Variants in EIF4G3 observed in about 807,000 individuals in gnomAD.
The protein encoded by EIF4G3 is eIF-4-gamma 3.
A neutral mutation model predicts 186.4 loss-of-function variants in EIF4G3; 34 were observed. That is an observed-to-expected ratio of 0.18 (90% CI 0.14 to 0.24). The LOEUF (loss-of-function observed/expected upper bound fraction) is 0.24, where lower values mean the gene tolerates loss of function less well. Ranked by LOEUF, EIF4G3 falls within the 10% of genes least tolerant of loss-of-function variation. The pLI, the probability that EIF4G3 is intolerant of heterozygous loss-of-function variation, is 1.00. For synonymous variants in EIF4G3, 673 were observed against 679.5 expected, an observed-to-expected ratio of 0.99 and a Z score of 0.15; for missense variants, 1,536 against 1,948.5, an observed-to-expected ratio of 0.79 and a Z score of 3.99.
chr1:20,865,159 T>C lies in EIF4G3; in HGVS notation c.2726A>G (p.Asp909Gly), dbSNP rs748202237. 1 of 1,614,142 alleles carries C rather than the reference T, an allele frequency of 6.2e-7. No homozygotes were observed. ...TTCTTTCTGCTTCTTCTCAAAGACA[T>C]CATCATCTGCTTTATCTTTTTCAAA... is the stretch of plus-strand genomic sequence containing the variant. ...KEFEKDKADD[D>G]VFEKKQKELE... The change falls in exon 21 of 37, where the codon GAT becomes GGT. Residue 909 changes from aspartate (D) to glycine (G), a missense_variant. Asp to Gly is a moderately conservative substitution (Grantham distance 94). This residue lies in a region of EIF4G3 where 77 missense variants were observed against 131.6 expected (regional missense o/e 0.59). Transcript: ENST00000602326.
intron 2 of EIF4G3, among the ~76,000 whole-genome samples, chr1:21,120,192 T>TA: frequency 6.6e-6 from 1 of 150,860 alleles, no homozygotes; most frequent in East Asian, 1.9e-4. Context: ...ACAAGTTACA[T>TA]AATCTATAAA....
chr1:20,847,945 T>G (rs942218922), intron 29 of EIF4G3: 1 of 423,342 alleles, frequency 2.4e-6, no homozygotes, highest in Non-Finnish European at 4.7e-6. Flanking sequence ...ATGATTACAC[T>G]GTTAAGAAAA....
At chr1:20,940,726 A>C (rs1327829762) in intron 14 of EIF4G3, among the ~76,000 whole-genome samples, 1 of 152,222 alleles carries the variant, frequency 6.6e-6, no homozygotes, top group African/African-American at 2.4e-5. Context: ...CAAAGCCAAA[A>C]CTTCAATATT....
At chr1:21,165,003 G>A (rs1028344676) in intron 2 of EIF4G3, among the ~76,000 whole-genome samples, 1 of 152,118 alleles carries the variant, frequency 6.6e-6, no homozygotes, top group Admixed American at 6.6e-5. Flanking sequence ...CTGGGCAAAG[G>A]ATATATATAG....
intron 2 of EIF4G3, among the ~76,000 whole-genome samples, chr1:21,107,908 G>T (rs1188490147): frequency 6.6e-6 from 1 of 152,256 alleles, no homozygotes; most frequent in African/African-American, 2.4e-5. Context: ...AGAACTTTGG[G>T]AGGCCAAGGC....
chr1:21,039,924 C>G (rs1445771750), intron 4 of EIF4G3, among the ~76,000 whole-genome samples: 1 of 152,178 alleles, frequency 6.6e-6, no homozygotes, highest in Admixed American at 6.5e-5. Flanking sequence ...AATCAATAAT[C>G]GTTAGTGACA....
chr1:20,834,302 T>A (rs1257977941), intron 30 of EIF4G3, among the ~76,000 whole-genome samples: 3 of 151,894 alleles, frequency 2.0e-5, no homozygotes. Context: ...ATAAAAAAAA[T>A]TAGCCAGGCA....
At chr1:21,032,171 C>T (rs1029202839) in intron 4 of EIF4G3, among the ~76,000 whole-genome samples, 10 of 152,262 alleles carry the variant, frequency 6.6e-5, no homozygotes, top group African/African-American at 1.9e-4. Flanking sequence ...TATCCATTAA[C>T]GCTGGAAATT....
In EIF4G3 at chr1:20,899,732, C is replaced by A; in HGVS notation, c.1964G>T (p.Ser655Ile). 6.2e-7 allele frequency: 1 copy of A among 1,614,156 alleles called. No individual in the cohort carries two copies. The highest frequency in any genetic ancestry group is 8.5e-7 in the Non-Finnish European group (1 of 1,179,994). The change falls in exon 16 of 37, where the codon AGT becomes ATT. Residue 655 changes from serine (S) to isoleucine (I), a missense_variant. Around this residue, in one of 11 missense-constraint regions of EIF4G3, gnomAD observed 560 missense variants for 547.8 expected, o/e 1.02. Transcript: ENST00000602326. ...GIDANSGSTD[S>I]SGDGVTFPFK... ...TGGAAATGTAACCCCATCACCAGAA[C>A]TATCTGTGGAGCCTGAATTAGCATC...
chr1:20,831,546 T>C (rs2065189857), intron 30 of EIF4G3, among the ~76,000 whole-genome samples: 1 of 151,854 alleles, frequency 6.6e-6, no homozygotes, highest in Non-Finnish European at 1.5e-5. Flanking sequence ...TTTTCTTTTT[T>C]TTTTTTTATG....
At chr1:20,838,276 A>G (rs2067357939) in intron 30 of EIF4G3, among the ~76,000 whole-genome samples, 1 of 152,210 alleles carries the variant, frequency 6.6e-6, no homozygotes, top group Admixed American at 6.5e-5. Flanking sequence ...ATCTTTATAG[A>G]TATGAATCAA....
intron 18 of EIF4G3, chr1:20,892,477 G>A: frequency 1.5e-6 from 1 of 666,636 alleles, no homozygotes; most frequent in South Asian, 1.8e-5. Flanking sequence ...ATGGCAATCT[G>A]CAGTTTACCA....
intron 4 of EIF4G3, among the ~76,000 whole-genome samples, chr1:21,035,264 G>A (rs1447027183): frequency 3.9e-5 from 6 of 152,332 alleles, no homozygotes; most frequent in East Asian, 3.9e-4. Context: ...CTTACCTGCC[G>A]TGGCTATGGG....
chr1:20,980,387 C>G lies in EIF4G3; in HGVS notation c.440G>C (p.Gly147Ala), dbSNP rs1199414444. 6.5e-7 allele frequency: 1 copy of G among 1,547,492 alleles called. No homozygotes were observed. The highest frequency in any genetic ancestry group is 8.6e-7 in the Non-Finnish European group (1 of 1,158,338). Residue 147 changes from glycine to alanine, a missense_variant, in exon 10 of 37, where the codon GGG becomes GCG. By Grantham distance (60) the Gly-to-Ala change is moderately conservative. Coordinates refer to ENST00000602326, the MANE Select transcript of EIF4G3 (RefSeq NM_001391906.1). Reference sequence around the variant, plus strand: ...TGGTCCAGGATAAAAAGGACCTGGCCCCGGTGGTTGAACTGGATATTGTTG... The same window carrying G: ...TGGTCCAGGATAAAAAGGACCTGGCGCCGGTGGTTGAACTGGATATTGTTG... ...PPQQYPVQPPGPGPFYPGPGP... is the reference protein window; with the variant it reads ...PPQQYPVQPPAPGPFYPGPGP...
intron 2 of EIF4G3, among the ~76,000 whole-genome samples, chr1:21,169,090 G>A (rs1311059349): frequency 1.3e-5 from 2 of 152,044 alleles, no homozygotes; most frequent in Non-Finnish European, 2.9e-5. Context: ...AGGATTGCTT[G>A]AGCCCAGGAG....
At chr1:21,038,939 G>C (rs1377660384) in intron 4 of EIF4G3, among the ~76,000 whole-genome samples, 1 of 151,930 alleles carries the variant, frequency 6.6e-6, no homozygotes, top group Non-Finnish European at 1.5e-5. Context: ...TGGGAAAATA[G>C]AAAAGCCCAT....
intron 2 of EIF4G3, among the ~76,000 whole-genome samples, chr1:21,120,019 T>C (rs763606601): frequency 5.3e-5 from 8 of 151,836 alleles, no homozygotes; most frequent in Non-Finnish European, 1.2e-4. Context: ...TGAAAACATA[T>C]GATGAAGACT....
At chr1:20,957,280 G>A (rs944682379) in intron 12 of EIF4G3, among the ~76,000 whole-genome samples, 11 of 152,080 alleles carry the variant, frequency 7.2e-5, no homozygotes, top group African/African-American at 2.7e-4. Context: ...TAAATAATCT[G>A]TTTCTACATG....
At chr1:21,073,625 G>A in intron 3 of EIF4G3, 1 of 517,740 alleles carries the variant, frequency 1.9e-6, no homozygotes, top group Non-Finnish European at 3.8e-6. Flanking sequence ...GTCTCCCTGG[G>A]CACACGCCAC....
Sources: gnomAD v4.1 joint callset for allele counts (sites outside exome capture counted in the v4.1 genomes callset) on GRCh38, gnomAD v4.1.1 for gene constraint, gnomAD v4.1.1 regional missense constraint, MANE v1.5 for transcripts, NCBI Gene and HGNC (gene_info 2026-07-23, HGNC 2026-07-21) for gene names.